The following CCT4 variants were observed in gnomAD, a reference collection of about 807,000 sequenced individuals.
CCT4 encodes chaperonin containing TCP1 subunit 4, also known as T-complex protein 1 subunit delta.
A neutral mutation model predicts 62.5 loss-of-function variants in CCT4; 17 were observed. That is an observed-to-expected ratio of 0.27 (90% confidence interval 0.19 to 0.41). The LOEUF is 0.41. CCT4 is among the 10% of genes least tolerant of loss of function. CCT4 has a pLI of 1.00. For synonymous variants in CCT4, 250 were observed against 229.9 expected (o/e 1.09, Z -0.79); for missense variants, 592 against 659.2 (o/e 0.90, Z 1.12).
At chr2:61,869,143 GAAAAAA>G in intron 13 of CCT4, among the ~76,000 whole-genome samples, 1 of 70,712 alleles carries the variant, frequency 1.4e-5, no homozygotes, top group South Asian at 5.4e-4. Flanking sequence ...CTTCGTCTCA[GAAAAAA>G]AAAAAAAAAA....
At position 61,877,118 on chromosome 2, in the gene CCT4, G is replaced by T. The variant is rs1669017959; in HGVS notation, c.645-66C>A. On this transcript the variant is annotated intron_variant, in intron 6 of 13. Transcript: ENST00000394440. The stretch of plus-strand genomic sequence containing the variant: ...GTGGACATCTGTACGTTTAATAGAT[G>T]AACAGATTAAAAGTCATCAGTCCAA... 26 of 1,398,392 alleles carry T rather than the reference G, an allele frequency of 1.9e-5. No individual in the cohort carries two copies. The South Asian group carries it at 3.2e-4, about 17-fold the overall frequency. 86.6% of individuals were successfully genotyped at this position (1,398,392 alleles called of 1,614,324 possible).
chr2:61,875,621 G>T (rs1171106072), intron 8 of CCT4, among the ~76,000 whole-genome samples: 1 of 150,780 alleles, frequency 6.6e-6, no homozygotes, highest in Non-Finnish European at 1.5e-5. Context: ...ATTGCTATTA[G>T]AAGTGTGGTT....
intron 1 of CCT4, among the ~76,000 whole-genome samples, chr2:61,886,823 G>A (rs916599403): frequency 1.3e-5 from 2 of 151,432 alleles, no homozygotes; most frequent in Non-Finnish European, 2.9e-5. Flanking sequence ...GCAATGGCGC[G>A]ACGTCAGTTC....
chr2:61,888,338 G>C (rs1179908236), intron 1 of CCT4, 43 bp downstream of exon 1: 1 of 1,597,816 alleles, frequency 6.3e-7, no homozygotes, highest in Non-Finnish European at 8.5e-7. Context: ...AGAGCGCAGA[G>C]CACAACCCCG....
chr2:61,873,948 C>G (rs1399217962), intron 8 of CCT4, among the ~76,000 whole-genome samples: 1 of 152,126 alleles, frequency 6.6e-6, no homozygotes, highest in Non-Finnish European at 1.5e-5. Context: ...GATCCTCCCA[C>G]CTCGGCCCCA....
intron 4 of CCT4, among the ~76,000 whole-genome samples, chr2:61,879,578 G>A (rs1252763884): frequency 6.6e-6 from 1 of 151,064 alleles, no homozygotes; most frequent in Non-Finnish European, 1.5e-5. Flanking sequence ...GCACCTGGCC[G>A]ATACTTCTCA....
intron 4 of CCT4, among the ~76,000 whole-genome samples, chr2:61,879,516 G>T (rs1364588941): frequency 2.1e-5 from 3 of 142,104 alleles, no homozygotes; most frequent in African/African-American, 7.9e-5. Flanking sequence ...GGGCTCAATT[G>T]TTCTGCCAGC....
Position 61,876,905 on chromosome 2 carries a change from T to A in CCT4, c.777+15A>T. On this transcript the variant is annotated intron_variant, in intron 7 of 13. Transcript: ENST00000394440. The stretch of plus-strand genomic sequence containing the variant: ...GTTAAACACAGAGAACCAATTTCAT[T>A]TGGATTCTACTTACGTCTGTTTTGG... 1 of 1,583,508 alleles carries A rather than the reference T, an allele frequency of 6.3e-7. No homozygotes were observed. Among genetic ancestry groups the A allele is most frequent in the Non-Finnish European group, 8.6e-7 (1 of 1,168,178 alleles).
At chr2:61,872,770 A>G (rs1352145168) in intron 10 of CCT4, among the ~76,000 whole-genome samples, 182 bp from the exon 11 acceptor site, 1 of 152,208 alleles carries the variant, frequency 6.6e-6, no homozygotes, top group Non-Finnish European at 1.5e-5. Context: ...TACTAAAAAT[A>G]CAAAAAATTA....
chr2:61,878,964 T>C lies in CCT4; in HGVS notation c.427A>G (p.Lys143Glu). Residue 143 changes from lysine (K) to glutamate (E), a missense_variant, in exon 5 of 14, where the codon AAG becomes GAG. Physicochemically the swap from Lys to Glu is moderately conservative, Grantham distance 56. Coordinates refer to ENST00000394440, the MANE Select transcript of CCT4 (RefSeq NM_006430.4). ...ISESFQKALE[K>E]GIEILTDMSR... ...ATGTCAGTCAAGATTTCAATGCCCTTTTCCAGGGCCTTCTGGAATGACTCA... is the reference window on the plus strand; with the variant it reads ...ATGTCAGTCAAGATTTCAATGCCCTCTTCCAGGGCCTTCTGGAATGACTCA... 1 of 1,609,978 alleles carries C rather than the reference T, an allele frequency of 6.2e-7. No individual in the cohort carries two copies. The highest frequency in any genetic ancestry group is 1.7e-5 in the Admixed American group (1 of 59,184).
intron 3 of CCT4, among the ~76,000 whole-genome samples, chr2:61,880,774 T>C (rs1669095397): frequency 1.3e-5 from 2 of 152,180 alleles, no homozygotes; most frequent in South Asian, 2.1e-4. Context: ...AGTGCAATCA[T>C]GGCTCACTGC....
At position 61,869,340 on chromosome 2, in the gene CCT4, A is replaced by AAACC. The variant is rs762773073; in HGVS notation, c.1605+96_1605+99dup. ...AACAGAGCAAAACTTTGTCTCAAAA[A>AAACC]AACCAACCAACCAACCAAACAACAA... On this transcript the variant is annotated intron_variant, in intron 13 of 13. Coordinates refer to ENST00000394440, the MANE Select transcript of CCT4 (RefSeq NM_006430.4). 29 of 693,934 alleles carry AAACC rather than the reference A, an allele frequency of 4.2e-5. 1 individual carries two copies. The highest frequency in any genetic ancestry group is 2.0e-4 in the South Asian group (12 of 59,306). The allele number at this position is 693,934 out of a possible 1,614,324, so 43.0% of individuals were successfully genotyped here. A position where few individuals can be genotyped will look rare whatever the true frequency, so the allele number is the denominator to read the frequency against.
chr2:61,871,858 C>T (rs7569315), intron 12 of CCT4, among the ~76,000 whole-genome samples: 57,762 of 151,966 alleles, frequency 0.38, 11,626 homozygotes, highest in East Asian at 0.71. Context: ...TTGCTAAAAG[C>T]TAGTCAGTAA....
intron 10 of CCT4, among the ~76,000 whole-genome samples, 162 bp downstream of exon 10, chr2:61,872,840 T>C (rs1668912769): frequency 6.6e-6 from 1 of 152,056 alleles, no homozygotes; most frequent in Non-Finnish European, 1.5e-5. Flanking sequence ...GGCAGGAGAA[T>C]GGCATGAACC....
At chr2:61,887,494 T>C (rs1199381730) in intron 1 of CCT4, among the ~76,000 whole-genome samples, 1 of 152,216 alleles carries the variant, frequency 6.6e-6, no homozygotes, top group African/African-American at 2.4e-5. Flanking sequence ...TCACCTCTTC[T>C]GTAAACATAC....
At chr2:61,876,069 G>C (rs769315214) in intron 8 of CCT4, 26 bp downstream of exon 8, 2 of 1,496,302 alleles carry the variant, frequency 1.3e-6, no homozygotes, top group Non-Finnish European at 1.8e-6. Flanking sequence ...ATCATTAAGG[G>C]ATGAACAAAA....
chr2:61,880,837 C>A (rs1669096377), intron 3 of CCT4, among the ~76,000 whole-genome samples: 1 of 152,102 alleles, frequency 6.6e-6, no homozygotes, highest in South Asian at 2.1e-4. Flanking sequence ...TCCCGAGTAG[C>A]TGGGGCTATA....
Position 61,888,650 on chromosome 2 carries a change from G to A in CCT4, c.-143C>T. 6.3e-6 allele frequency: 6 copies of A among 957,758 alleles called. No individual in the cohort carries two copies. The highest frequency in any genetic ancestry group is 1.8e-5 in the South Asian group (1 of 57,112). The allele number at this position is 957,758 out of a possible 1,614,324, so 59.3% of individuals were successfully genotyped here. A position where few individuals can be genotyped will look rare whatever the true frequency, so the allele number is the denominator to read the frequency against. On this transcript the variant is annotated 5_prime_UTR_variant, in exon 1 of 14. Transcript: ENST00000394440. Reference sequence around the variant, plus strand: ...GCCGGCGTCGGGAGGAGGCGGAGGCGGAGAAGGGGGCCTTCCTTGCCGCGC... The same window carrying A: ...GCCGGCGTCGGGAGGAGGCGGAGGCAGAGAAGGGGGCCTTCCTTGCCGCGC...
chr2:61,888,235 A>G, intron 1 of CCT4, 146 bp downstream of exon 1: 1 of 958,282 alleles, frequency 1.0e-6, no homozygotes, highest in South Asian at 1.9e-5. Context: ...AACAGAAATA[A>G]GGATCCCTCC....
Sources: allele counts gnomAD v4.1 joint callset (sites outside exome capture counted in the v4.1 genomes callset), GRCh38; gene constraint gnomAD v4.1.1; transcripts MANE v1.5; gene names NCBI Gene and HGNC (gene_info 2026-07-23, HGNC 2026-07-21).